Variants in GCNT1 observed in about 807,000 individuals in gnomAD.
GCNT1 encodes glucosaminyl (N-acetyl) transferase 1.
GCNT1 carries 16 observed loss-of-function variants against 26.2 expected under a neutral mutation model. The observed-to-expected ratio is 0.61, with a 90% CI of 0.41 to 0.93. GCNT1 has a LOEUF of 0.93. Ranked by LOEUF, GCNT1 falls within the 40% of genes least tolerant of loss-of-function variation. The pLI is 0.00. For missense variants in GCNT1, 477 were observed against 526.7 expected (o/e 0.91, Z 0.92); for synonymous variants, 183 against 190.8 (o/e 0.96, Z 0.34).
chr9:76,474,278 G>C (rs1158618486), intron 2 of GCNT1, among the ~76,000 whole-genome samples: 5 of 152,086 alleles, frequency 3.3e-5, no homozygotes. Context: ...AGAGAAAATG[G>C]TATCCAGATG....
intron 2 of GCNT1, among the ~76,000 whole-genome samples, chr9:76,496,990 T>G (rs1824924641): frequency 6.6e-6 from 1 of 152,186 alleles, no homozygotes; most frequent in South Asian, 2.1e-4. Flanking sequence ...CGAGTGAGGC[T>G]TAGTATGGTT....
upstream of GCNT1, among the ~76,000 whole-genome samples, chr9:76,457,262 T>C (rs547179225): frequency 2.0e-5 from 3 of 152,318 alleles, no homozygotes; most frequent in Admixed American, 2.0e-4. Context: ...AATTTATTTA[T>C]TTTTGAGATG....
At chr9:76,478,951 G>A (rs1253229129) in intron 2 of GCNT1, among the ~76,000 whole-genome samples, 2 of 152,202 alleles carry the variant, frequency 1.3e-5, no homozygotes, top group African/African-American at 2.4e-5. Context: ...TTGGTGGGCT[G>A]CACCCATTAA....
chr9:76,416,715 T>G (rs1823136386), upstream of GCNT1, among the ~76,000 whole-genome samples: 1 of 152,252 alleles, frequency 6.6e-6, no homozygotes, highest in Non-Finnish European at 1.5e-5. Context: ...CTTTTAATTT[T>G]AAGTTTTGAA....
chr9:76,475,030 GC>G lies in GCNT1; in HGVS notation c.-290+14855del, dbSNP rs1564237009. On this transcript the variant is annotated intron_variant, in intron 2 of 3. Coordinates refer to ENST00000376730, the MANE Select transcript of GCNT1 (RefSeq NM_001490.5). ...CGGTTCAAGCGATTCTCCTGCCTCA[GC>G]CTCTTGAGTAGCTGGGATTACAGGT... 7.2e-5 allele frequency among the ~76,000 whole-genome samples: 11 copies of G among 152,304 alleles called. No homozygotes were observed. In the South Asian group the frequency reaches 2.3e-3, roughly 32 times the overall value.
intron 2 of GCNT1, among the ~76,000 whole-genome samples, chr9:76,493,019 C>T (rs945019977): frequency 1.3e-5 from 2 of 152,098 alleles, no homozygotes; most frequent in African/African-American, 4.8e-5. Context: ...ATCAATTGAC[C>T]CTCGAGGGAG....
At chr9:76,501,216 T>C (rs1221527117) in intron 3 of GCNT1, among the ~76,000 whole-genome samples, 155 bp downstream of exon 3, 1 of 152,228 alleles carries the variant, frequency 6.6e-6, no homozygotes, top group Non-Finnish European at 1.5e-5. Flanking sequence ...AGAAATCTTG[T>C]TATGAACAGA....
intron 2 of GCNT1, 82 bp from the exon 3 acceptor site, chr9:76,500,834 A>T (rs1825043561): frequency 6.6e-6 from 1 of 152,254 alleles, no homozygotes; most frequent in Non-Finnish European, 1.5e-5. Context: ...AATATGTAGG[A>T]TTAGTTCACC....
In GCNT1 at chr9:76,425,829, G is replaced by A. The variant is rs142852923; in HGVS notation, n.38+5942G>A. The stretch of plus-strand genomic sequence containing the variant: ...GTCAGAGATTAAATCATAGAGAGTC[G>A]AAGCTGTCCTCTTGTGCTGAGTCAG... On this transcript the variant is annotated intron_variant and non_coding_transcript_variant, in intron 1 of 3. Transcript: ENST00000488136. 2.6e-3 allele frequency among the ~76,000 whole-genome samples: 400 copies of A among 152,210 alleles called. 1 individual carries two copies. Among genetic ancestry groups the A allele is most frequent in the African/African-American group, 9.3e-3 (385 of 41,552 alleles).
At chr9:76,472,552 T>C (rs534375271) in intron 2 of GCNT1, among the ~76,000 whole-genome samples, 2 of 152,260 alleles carry the variant, frequency 1.3e-5, no homozygotes, top group East Asian at 3.9e-4. Flanking sequence ...TGGGGCTAGA[T>C]GGACTTTTTT....
chr9:76,398,990 C>G, the GCNT1 span: 2 of 1,538,758 alleles, frequency 1.3e-6, no homozygotes, highest in East Asian at 4.5e-5. Flanking sequence ...TGGAGCCACT[C>G]CAATTGCTGG....
At chr9:76,483,429 A>C (rs1398415187) in intron 2 of GCNT1, among the ~76,000 whole-genome samples, 1 of 151,170 alleles carries the variant, frequency 6.6e-6, no homozygotes, top group Non-Finnish European at 1.5e-5. Context: ...TTTTTGTTTT[A>C]ATAGAGACAG....
At chr9:76,427,037 C>T (rs996890218) in intron 1 of GCNT1, among the ~76,000 whole-genome samples, 10 of 152,120 alleles carry the variant, frequency 6.6e-5, no homozygotes, top group Non-Finnish European at 1.5e-4. Context: ...AAAATGAGAT[C>T]ATTAGGGTCA....
chr9:76,486,077 G>C (rs1022574521), intron 2 of GCNT1, among the ~76,000 whole-genome samples: 5 of 152,206 alleles, frequency 3.3e-5, no homozygotes, highest in Admixed American at 3.3e-4. Context: ...AAACTTGGGG[G>C]CCAGATTATG....
intron 2 of GCNT1, among the ~76,000 whole-genome samples, chr9:76,464,304 C>T (rs1479419514): frequency 2.0e-5 from 3 of 152,132 alleles, no homozygotes; most frequent in Non-Finnish European, 4.4e-5. Context: ...GCAACCTCCA[C>T]CTCCCAGGCT....
upstream of GCNT1, among the ~76,000 whole-genome samples, chr9:76,417,577 T>C (rs919035959): frequency 2.0e-5 from 3 of 152,200 alleles, no homozygotes; most frequent in Non-Finnish European, 2.9e-5. Context: ...ACTGTTGGCT[T>C]TTCTGATGTT....
At chr9:76,401,582 G>A in the GCNT1 span, among the ~76,000 whole-genome samples, 1 of 152,132 alleles carries the variant, frequency 6.6e-6, no homozygotes, top group Non-Finnish European at 1.5e-5. Flanking sequence ...CTAATGCGTT[G>A]TTAGAAGGGA....
the GCNT1 span, chr9:76,399,454 A>G: frequency 6.4e-6 from 10 of 1,570,130 alleles, no homozygotes; most frequent in East Asian, 2.2e-4. Flanking sequence ...CTGAAGGTGT[A>G]CAGGTGCCCT....
chr9:76,461,933 A>G (rs1252196177), intron 2 of GCNT1, among the ~76,000 whole-genome samples: 2 of 152,208 alleles, frequency 1.3e-5, no homozygotes, highest in African/African-American at 4.8e-5. Flanking sequence ...TGTTTCATGC[A>G]TCATCTGTTT....
Sources: allele counts gnomAD v4.1 joint callset (sites outside exome capture counted in the v4.1 genomes callset), GRCh38; gene constraint gnomAD v4.1.1; transcripts MANE v1.5; gene names NCBI Gene and HGNC (gene_info 2026-07-23, HGNC 2026-07-21).